Variants in SLC14A2 observed in about 807,000 individuals in gnomAD.
SLC14A2 encodes the protein urea transporter 2.
A neutral mutation model predicts 104.6 loss-of-function variants in SLC14A2; 91 were observed. The ratio of observed to expected loss-of-function variants is 0.87; its 90% confidence interval spans 0.73 to 1.04. SLC14A2 has a LOEUF of 1.04. Among genes scored for constraint, SLC14A2 ranks in the 50% least tolerant of loss-of-function variants. The pLI, the probability that SLC14A2 is intolerant of heterozygous loss-of-function variation, is 0.00. For missense variants in SLC14A2, 1,189 were observed against 1,156.0 expected, an observed-to-expected ratio of 1.03 and a Z score of -0.41; for synonymous variants, 476 against 466.4, an observed-to-expected ratio of 1.02 and a Z score of -0.27.
At chr18:45,531,216 G>A (rs563138332) in intron 2 of SLC14A2, among the ~76,000 whole-genome samples, 3 of 152,320 alleles carry the variant, frequency 2.0e-5, no homozygotes, top group African/African-American at 7.2e-5. Flanking sequence ...TATATACCCA[G>A]TAATGGGATG....
chr18:45,236,784 G>A (rs2084259285), intron 1 of SLC14A2, among the ~76,000 whole-genome samples: 2 of 152,028 alleles, frequency 1.3e-5, no homozygotes, highest in African/African-American at 4.8e-5. Context: ...ATATGCAGTA[G>A]TGGGATTGCT....
intron 2 of SLC14A2, among the ~76,000 whole-genome samples, chr18:45,489,693 TACCCTGA>T (rs2087683152): frequency 6.6e-6 from 1 of 152,128 alleles, no homozygotes; most frequent in South Asian, 2.1e-4. Flanking sequence ...ATAATAATTC[TACCCTGA>T]ACAGAAGACC....
chr18:45,207,709 A>G, the SLC14A2 span, among the ~76,000 whole-genome samples: 1 of 152,232 alleles, frequency 6.6e-6, no homozygotes, highest in African/African-American at 2.4e-5. Context: ...GAGATGGGTC[A>G]TAGAGCAAAC....
chr18:45,449,643 C>T (rs2086827009), intron 1 of SLC14A2, among the ~76,000 whole-genome samples: 1 of 152,096 alleles, frequency 6.6e-6, no homozygotes, highest in Admixed American at 6.6e-5. Flanking sequence ...TCCCAGAATC[C>T]CATCTGAAGG....
Position 45,405,416 on chromosome 18 carries a change from G to C in SLC14A2, c.-124-77817G>C, listed in dbSNP as rs144201647. ...GAAACAGAAGTCAGCAGGAGGAACA[G>C]AGGAACCAAAATTGTTCCAGGTGAC... On this transcript the variant is annotated intron_variant, in intron 1 of 20. Coordinates refer to the SLC14A2 transcript ENST00000586448. Among the ~76,000 whole-genome samples, 12 of 152,294 alleles carry C rather than the reference G, an allele frequency of 7.9e-5. No individual in the cohort carries two copies. In the East Asian group the frequency reaches 2.3e-3, roughly 29 times the overall value.
At chr18:45,582,064 A>G (rs2044500878) in intron 2 of SLC14A2, among the ~76,000 whole-genome samples, 1 of 152,202 alleles carries the variant, frequency 6.6e-6, no homozygotes, top group Admixed American at 6.5e-5. Context: ...CTGAACAATG[A>G]GATATAGATG....
chr18:45,474,192 G>A (rs57681257), intron 1 of SLC14A2, among the ~76,000 whole-genome samples: 3 of 152,102 alleles, frequency 2.0e-5, no homozygotes, highest in African/African-American at 7.2e-5. Flanking sequence ...ATTGATTTGT[G>A]TATATTGAAC....
chr18:45,574,823 A>T (rs2044397127), intron 2 of SLC14A2, among the ~76,000 whole-genome samples: 1 of 152,110 alleles, frequency 6.6e-6, no homozygotes, highest in Admixed American at 6.5e-5. Flanking sequence ...CTCTCTTCCC[A>T]CGCTTGGCTC....
At chr18:45,306,036 G>A (rs11082440) in intron 1 of SLC14A2, among the ~76,000 whole-genome samples, 12,324 of 152,184 alleles carry the variant, frequency 0.081, 651 homozygotes, top group South Asian at 0.12. Flanking sequence ...CAGAGAGGGA[G>A]GGACTGAGGC....
chr18:45,681,870 T>C (rs901673571), intron 19 of SLC14A2, among the ~76,000 whole-genome samples: 1 of 152,206 alleles, frequency 6.6e-6, no homozygotes, highest in African/African-American at 2.4e-5. Context: ...GTTGGGTGCC[T>C]ATCTCTAGTC....
rs118062664 is a variant in SLC14A2 at position 45,269,668 on chromosome 18, G to C, written c.-125+56477G>C. 8.5e-5 allele frequency among the ~76,000 whole-genome samples: 13 copies of C among 152,196 alleles called. No homozygotes were observed. The East Asian group carries it at 2.5e-3, about 29-fold the overall frequency. ...CTGCTCATAATTGCGCGTACTATGT[G>C]CTTCCCAATCTCTCACAAGCCACAT... is the stretch of plus-strand genomic sequence containing the variant. On this transcript the variant is annotated intron_variant, in intron 1 of 20. Transcript: ENST00000586448.
At chr18:45,406,793 A>G (rs753484597) in intron 1 of SLC14A2, among the ~76,000 whole-genome samples, 23 of 152,280 alleles carry the variant, frequency 1.5e-4, no homozygotes, top group Middle Eastern at 3.4e-3. Flanking sequence ...GACTAGATAC[A>G]TTGTTAATAA....
chr18:45,242,123 C>T (rs1269338217), intron 1 of SLC14A2, among the ~76,000 whole-genome samples: 2 of 152,088 alleles, frequency 1.3e-5, no homozygotes, highest in Non-Finnish European at 1.5e-5. Context: ...TGGTCCAGGT[C>T]CTGGGGGAGG....
At chr18:45,577,154 T>C (rs1599023794) in intron 2 of SLC14A2, among the ~76,000 whole-genome samples, 1 of 69,972 alleles carries the variant, frequency 1.4e-5, no homozygotes, top group Non-Finnish European at 3.1e-5. Flanking sequence ...TTGTTTCTTA[T>C]CTCTAGGAAT....
At chr18:45,343,166 A>G (rs2144287884) in intron 1 of SLC14A2, among the ~76,000 whole-genome samples, 1 of 141,114 alleles carries the variant, frequency 7.1e-6, no homozygotes, top group Admixed American at 7.2e-5. Context: ...TTTTTTCCTC[A>G]TAAGCAAAAC....
intron 1 of SLC14A2, among the ~76,000 whole-genome samples, chr18:45,440,706 A>G (rs2086669296): frequency 6.6e-6 from 1 of 152,174 alleles, no homozygotes; most frequent in Admixed American, 6.5e-5. Context: ...CAAAGCTTCC[A>G]TTTTCTCATC....
At chr18:45,290,971 T>C (rs932646035) in intron 1 of SLC14A2, among the ~76,000 whole-genome samples, 10 of 152,198 alleles carry the variant, frequency 6.6e-5, no homozygotes, top group East Asian at 5.8e-4. Context: ...CCAAGATTCA[T>C]TGGCTTCTTT....
At chr18:45,497,690 C>T (rs987695162) in intron 2 of SLC14A2, among the ~76,000 whole-genome samples, 1 of 152,120 alleles carries the variant, frequency 6.6e-6, no homozygotes, top group Non-Finnish European at 1.5e-5. Context: ...ATGGTGTTCC[C>T]ATTGAGAAGG....
At chr18:45,335,501 G>C (rs548506763) in intron 1 of SLC14A2, among the ~76,000 whole-genome samples, 41 of 152,134 alleles carry the variant, frequency 2.7e-4, no homozygotes, top group African/African-American at 8.2e-4. Context: ...TGTATCCTGG[G>C]TGTAACCACC....
Sources: allele counts gnomAD v4.1 joint callset (sites outside exome capture counted in the v4.1 genomes callset), GRCh38; gene constraint gnomAD v4.1.1; transcripts MANE v1.5; gene names NCBI Gene and HGNC (gene_info 2026-07-23, HGNC 2026-07-21).